Variants in PDE7A observed in about 807,000 individuals in gnomAD.
The protein encoded by PDE7A is phosphodiesterase 7A, also known as high affinity 3',5'-cyclic-AMP phosphodiesterase 7A.
In PDE7A, 39 loss-of-function variants were observed where a neutral mutation model predicts 64.3. That is an observed-to-expected ratio of 0.61 (90% CI 0.47 to 0.79). The LOEUF is 0.79. PDE7A is among the 30% of genes least tolerant of loss of function. The pLI is 0.00. For missense variants in PDE7A, 470 were observed against 582.8 expected (o/e 0.81, Z 1.99); for synonymous variants, 203 against 206.8 (o/e 0.98, Z 0.16).
chr8:65,793,859 C>A (rs1563510209), intron 1 of PDE7A, among the ~76,000 whole-genome samples: 1 of 152,128 alleles, frequency 6.6e-6, no homozygotes. Context: ...TTGTTAAAAA[C>A]AGAATTTGAC....
At position 65,778,212 on chromosome 8, in the gene PDE7A, C is replaced by T. The variant is rs532368402; in HGVS notation, c.283+1508G>A. 6.6e-5 allele frequency among the ~76,000 whole-genome samples: 10 copies of T among 152,278 alleles called. No homozygotes were observed. In the East Asian group the frequency reaches 1.9e-3, roughly 29 times the overall value. On this transcript the variant is annotated intron_variant, in intron 3 of 12. Transcript: ENST00000401827. ...TGCGATGTTATGCCAGGGTCTGGGC[C>T]CAGATCTTCAGACACTATGAGTCCT... is the stretch of plus-strand genomic sequence containing the variant.
At chr8:65,725,666 G>C (rs78780238) in intron 9 of PDE7A, 1 of 152,084 alleles carries the variant, frequency 6.6e-6, no homozygotes, top group South Asian at 2.1e-4. Context: ...GTAAAGAGCT[G>C]TCAAATAGAT....
At chr8:65,789,773 A>G (rs190264819) in intron 1 of PDE7A, among the ~76,000 whole-genome samples, 1 of 152,296 alleles carries the variant, frequency 6.6e-6, no homozygotes. Flanking sequence ...CTTTTGTGAA[A>G]CTTTCATTCA....
intron 1 of PDE7A, among the ~76,000 whole-genome samples, chr8:65,816,339 T>C (rs1025041148): frequency 3.3e-5 from 5 of 152,222 alleles, no homozygotes; most frequent in African/African-American, 9.6e-5. Flanking sequence ...TAATGTTAGA[T>C]ACTAAATTTG....
chr8:65,817,965 G>A (rs867327752), intron 1 of PDE7A, among the ~76,000 whole-genome samples: 1 of 152,170 alleles, frequency 6.6e-6, no homozygotes, highest in Middle Eastern at 3.4e-3. Context: ...TGTTAGCCAA[G>A]ATGGTCTCAA....
At chr8:65,767,396 G>T (rs1167856895) in intron 3 of PDE7A, among the ~76,000 whole-genome samples, 1 of 152,202 alleles carries the variant, frequency 6.6e-6, no homozygotes, top group African/African-American at 2.4e-5. Flanking sequence ...TAATGGGAGT[G>T]TAGTATTATG....
At chr8:65,833,431 C>T (rs1413876380) in intron 1 of PDE7A, among the ~76,000 whole-genome samples, 1 of 152,148 alleles carries the variant, frequency 6.6e-6, no homozygotes, top group Non-Finnish European at 1.5e-5. Context: ...ATGTGTTTTC[C>T]TAATCCACAT....
chr8:65,744,768 G>A (rs556285925), intron 5 of PDE7A, among the ~76,000 whole-genome samples: 2 of 152,320 alleles, frequency 1.3e-5, no homozygotes, highest in South Asian at 2.1e-4. Context: ...ATTAATAATA[G>A]CAGCGGCAAT....
intron 1 of PDE7A, among the ~76,000 whole-genome samples, chr8:65,785,149 T>TA (rs778746631): frequency 6.6e-6 from 1 of 152,042 alleles, no homozygotes; most frequent in South Asian, 2.1e-4. Context: ...CACAAGTTCT[T>TA]AAAAAAACAC....
chr8:65,824,201 T>C (rs1157070608), intron 1 of PDE7A, among the ~76,000 whole-genome samples: 1 of 152,218 alleles, frequency 6.6e-6, no homozygotes, highest in Non-Finnish European at 1.5e-5. Flanking sequence ...TCAAACTTTT[T>C]AATTATTGTA....
chr8:65,744,737 T>C (rs1807595462), intron 5 of PDE7A, among the ~76,000 whole-genome samples: 1 of 152,186 alleles, frequency 6.6e-6, no homozygotes, highest in South Asian at 2.1e-4. Flanking sequence ...AAACATGAGA[T>C]AATAATGTTT....
At chr8:65,806,067 A>G (rs920007891) in intron 1 of PDE7A, among the ~76,000 whole-genome samples, 4 of 152,242 alleles carry the variant, frequency 2.6e-5, no homozygotes, top group Non-Finnish European at 5.9e-5. Context: ...AGATTTAGCA[A>G]CAAAGATTTT....
chr8:65,826,342 G>C (rs371684966), intron 1 of PDE7A, among the ~76,000 whole-genome samples: 45 of 152,204 alleles, frequency 3.0e-4, no homozygotes, highest in African/African-American at 1.0e-3. Context: ...AATATGCTTT[G>C]AACTAGGTAG....
At position 65,741,450 on chromosome 8, in the gene PDE7A, A is replaced by G. The variant is rs117842537; in HGVS notation, c.500-1853T>C. On this transcript the variant is annotated intron_variant, in intron 5 of 12. Transcript: ENST00000401827. ...CTGCCTAACCAACTGCCAACAAAAG[A>G]CCACAGCTGATGAAAAAGTACATTA... Among the ~76,000 whole-genome samples the G allele has an allele frequency of 9.3e-3, 1,424 of 152,336 alleles. 13 individuals are homozygous for G. Among genetic ancestry groups the G allele is most frequent in the Non-Finnish European group, 0.016 (1,080 of 68,034 alleles).
At position 65,715,809 on chromosome 8, in the gene PDE7A, C is replaced by A. The variant is rs117190068; in HGVS notation, c.*3481G>T. 0.042 allele frequency among the ~76,000 whole-genome samples: 6,229 copies of A among 149,382 alleles called. 192 individuals carry two copies. Among genetic ancestry groups the A allele is most frequent in the Non-Finnish European group, 0.063 (4,202 of 67,006 alleles). ...GACCATCCTGGCTAACATGGTGAAA[C>A]CCTAACTCTACTAATAAAGTACAAA... On this transcript the variant is annotated 3_prime_UTR_variant, in exon 13 of 13. Coordinates refer to ENST00000401827, the MANE Select transcript of PDE7A (RefSeq NM_001242318.3).
chr8:65,756,029 T>C (rs1808226275), intron 3 of PDE7A, among the ~76,000 whole-genome samples: 1 of 152,244 alleles, frequency 6.6e-6, no homozygotes, highest in South Asian at 2.1e-4. Flanking sequence ...TTTTGCCAAA[T>C]ATGGAATTCG....
At chr8:65,827,393 G>A (rs994131384) in intron 1 of PDE7A, among the ~76,000 whole-genome samples, 2 of 152,014 alleles carry the variant, frequency 1.3e-5, no homozygotes, top group Non-Finnish European at 2.9e-5. Flanking sequence ...TTTTACGAAC[G>A]TATTAGGCAT....
intron 1 of PDE7A, among the ~76,000 whole-genome samples, chr8:65,836,914 C>G (rs926836821): frequency 6.6e-6 from 1 of 152,132 alleles, no homozygotes; most frequent in African/African-American, 2.4e-5. Context: ...CTTCCTCCTC[C>G]CCCTACATTC....
chr8:65,730,167 A>ATT (rs1554555900), intron 7 of PDE7A, among the ~76,000 whole-genome samples: 2 of 29,172 alleles, frequency 6.9e-5, no homozygotes, highest in Non-Finnish European at 1.3e-4. Flanking sequence ...CAGGTTGCGC[A>ATT]CTTCTTTTTT....
Sources: allele counts gnomAD v4.1 joint callset (sites outside exome capture counted in the v4.1 genomes callset), GRCh38; gene constraint gnomAD v4.1.1; transcripts MANE v1.5; gene names NCBI Gene and HGNC (gene_info 2026-07-23, HGNC 2026-07-21).